ENGASE: variants seen among roughly 807,000 people sequenced by gnomAD.
The protein encoded by ENGASE is cytosolic endo-beta-N-acetylglucosaminidase.
In ENGASE, 69 loss-of-function variants were observed where a neutral mutation model predicts 78.5. The ratio of observed to expected loss-of-function variants is 0.88; its 90% CI spans 0.72 to 1.07. ENGASE has a LOEUF of 1.07. Ranked by LOEUF, ENGASE falls within the 50% of genes least tolerant of loss-of-function variation. ENGASE has a pLI of 0.00. For synonymous variants in ENGASE, 408 were observed against 408.9 expected, an observed-to-expected ratio of 1.00 and a Z score of 0.03; for missense variants, 943 against 988.4, an observed-to-expected ratio of 0.95 and a Z score of 0.62.
chr17:79,080,751 G>A (rs1004213194), intron 5 of ENGASE, among the ~76,000 whole-genome samples, 174 bp from the exon 6 acceptor site: 2 of 152,170 alleles, frequency 1.3e-5, no homozygotes, highest in Admixed American at 6.5e-5. Flanking sequence ...AAGGACGGTC[G>A]TCTGTTTGGC....
chr17:79,075,261 C>G (rs1463556162), intron 1 of ENGASE, among the ~76,000 whole-genome samples, 171 bp downstream of exon 1: 1 of 152,206 alleles, frequency 6.6e-6, no homozygotes. Flanking sequence ...CCCGGTCCGC[C>G]CCGCCGTCCT....
rs539480225 is a variant in ENGASE at position 79,081,963 on chromosome 17, G to A, written c.938G>A (p.Arg313Gln). 1.7e-5 allele frequency: 28 copies of A among 1,614,196 alleles called. No homozygotes were observed. The highest frequency in any genetic ancestry group is 5.3e-5 in the African/African-American group (4 of 75,062). ...NYNWREEHLERMLGQAGERRA... is the reference protein window; with the variant it reads ...NYNWREEHLEQMLGQAGERRA... ...AACTGGCGGGAGGAGCACTTGGAGC[G>A]GATGCTGGGGCAGGCTGGGGAGCGC... The change falls in exon 7 of 14, where the codon CGG (arginine) becomes CAG (glutamine). Residue 313 changes from arginine (R) to glutamine (Q), a missense_variant. Physicochemically the swap from Arg to Gln is conservative, Grantham distance 43. Coordinates refer to ENST00000579016, the MANE Select transcript of ENGASE (RefSeq NM_001042573.3).
intron 1 of ENGASE, chr17:79,075,905 G>A: frequency 3.0e-6 from 3 of 985,332 alleles, no homozygotes; most frequent in Non-Finnish European, 3.6e-6. Context: ...ACCTGGTGTG[G>A]GATTGTTCTG....
chr17:79,077,531 C>G, intron 2 of ENGASE, 34 bp downstream of exon 2: 1 of 1,546,486 alleles, frequency 6.5e-7, no homozygotes, highest in Non-Finnish European at 8.7e-7. Context: ...ACCGATCCAC[C>G]TTCACACCTG....
Position 79,083,212 on chromosome 17 carries a change from G to A in ENGASE, c.1142+89G>A. 9.8e-7 allele frequency: 1 copy of A among 1,016,934 alleles called. No homozygotes were observed. The highest frequency in any genetic ancestry group is 2.4e-5 in the East Asian group (1 of 41,672). The allele number at this position is 1,016,934 out of a possible 1,614,324, so 63.0% of individuals were successfully genotyped here. On this transcript the variant is annotated intron_variant, in intron 8 of 13. Coordinates refer to ENST00000579016, the MANE Select transcript of ENGASE (RefSeq NM_001042573.3). This position sits in a 1 kb window ranked among gnomAD's most constrained non-coding sequence, Gnocchi z 4.9. ...TGATAGGACACGTTTGTGCTCTTTA[G>A]TGACCCTTCCTATGGGGGGGTGGTT...
rs2073376035 is a variant in ENGASE, at chr17:79,087,948, T to G, written c.*1599T>G. The G allele has an allele frequency of 6.6e-6, 1 of 152,162 alleles. No homozygotes were observed. The highest frequency in any genetic ancestry group is 2.4e-5 in the African/African-American group (1 of 41,432). The allele number at this position is 152,162 out of a possible 1,614,324, so 9.4% of individuals were successfully genotyped here. On this transcript the variant is annotated 3_prime_UTR_variant, in exon 14 of 14. Transcript: ENST00000579016. ...TTAGGGGTTCTGTGCTCTTGCCTAA[T>G]TAGGAACATTCTCCCATGTCTCTTG...
Position 79,081,928 on chromosome 17 carries a change from CACTA to C in ENGASE, c.908_911del (p.Asn303IlefsTer47), listed in dbSNP as rs2073151478. 4 of 1,613,620 alleles carry C rather than the reference CACTA, an allele frequency of 2.5e-6. No homozygotes were observed. The highest frequency in any genetic ancestry group is 3.4e-6 in the Non-Finnish European group (4 of 1,179,780). On this transcript the variant is annotated frameshift_variant, in exon 7 of 14. Transcript: ENST00000579016. LOFTEE classifies it high-confidence loss of function. The stretch of plus-strand genomic sequence containing the variant: ...TCTTTGATTCCTGCGACGGCTTCTT[CACTA>C]ACTATAACTGGCGGGAGGAGCACTT...
chr17:79,076,354 C>T (rs939674610), intron 1 of ENGASE, among the ~76,000 whole-genome samples: 34 of 152,124 alleles, frequency 2.2e-4, no homozygotes, highest in African/African-American at 8.0e-4. Context: ...CACCTGAGTT[C>T]GGGAGTTTGA....
rs1217274602 is a variant in ENGASE at position 79,085,676 on chromosome 17, C to T, written c.1757C>T (p.Ser586Leu). ...CTGCTAGACCTCCTCGTTTGCTTCTCACGGCCGCCGGGTAGTCGGGAGGAG... is the reference window on the plus strand; with the variant it reads ...CTGCTAGACCTCCTCGTTTGCTTCTTACGGCCGCCGGGTAGTCGGGAGGAG... ...CLLLDLLVCFSRPPGSREEES... is the reference protein window; with the variant it reads ...CLLLDLLVCFLRPPGSREEES... Residue 586 changes from serine (S) to leucine (L), a missense_variant, in exon 13 of 14, where the codon TCA becomes TTA. By Grantham distance (145) the Ser-to-Leu change is moderately radical. Coordinates refer to ENST00000579016, the MANE Select transcript of ENGASE (RefSeq NM_001042573.3). 3.7e-6 allele frequency: 6 copies of T among 1,613,988 alleles called. No individual in the cohort carries two copies. The East Asian group carries it at 6.7e-5, about 18-fold the overall frequency.
In ENGASE at chr17:79,087,090, A is replaced by C; in HGVS notation, c.*741A>C. On this transcript the variant is annotated 3_prime_UTR_variant, in exon 14 of 14. Transcript: ENST00000579016. Reference sequence around the variant, plus strand: ...TCTTCCGGGCTGTGGGCATGCAGGGAAGTGGCTCTGAGGCAGTCTGCGCTG... The same window carrying C: ...TCTTCCGGGCTGTGGGCATGCAGGGCAGTGGCTCTGAGGCAGTCTGCGCTG... 2.2e-6 allele frequency: 1 copy of C among 459,134 alleles called. No homozygotes were observed. Among genetic ancestry groups the C allele is most frequent in the Admixed American group, 2.3e-5 (1 of 42,888 alleles). 28.4% of individuals were successfully genotyped at this position (459,134 alleles called of 1,614,324 possible).
At position 79,080,747 on chromosome 17, in the gene ENGASE, G is replaced by A. The variant is rs182868873; in HGVS notation, c.724-178G>A. On this transcript the variant is annotated intron_variant, in intron 5 of 13. Transcript: ENST00000579016. ...CCTTCTTGCCGCAATAAGAAAGGAC[G>A]GTCGTCTGTTTGGCTGGACTCCACT... is the stretch of plus-strand genomic sequence containing the variant. Among the ~76,000 whole-genome samples the A allele has an allele frequency of 9.7e-4, 147 of 152,312 alleles. 1 individual carries two copies. Among genetic ancestry groups the A allele is most frequent in the South Asian group, 3.1e-3 (15 of 4,832 alleles).
chr17:79,082,000 G>C lies in ENGASE; in HGVS notation c.975G>C (p.Val325=), dbSNP rs769723401. 1 of 1,614,236 alleles carries C rather than the reference G, an allele frequency of 6.2e-7. No homozygotes were observed. Among genetic ancestry groups the C allele is most frequent in the South Asian group, 1.1e-5 (1 of 91,092 alleles). Residue 325 remains valine (V), a synonymous_variant, in exon 7 of 14, where the codon GTG becomes GTC. Coordinates refer to ENST00000579016, the MANE Select transcript of ENGASE (RefSeq NM_001042573.3). The part of the protein sequence containing the change: ...LGQAGERRAD[V]YVGVDVFARG... ...AGGCTGGGGAGCGCCGGGCTGATGT[G>C]TACGTGGGCGTGGATGTGTTTGCTC...
intron 3 of ENGASE, 130 bp downstream of exon 3, chr17:79,077,994 G>A: frequency 1.1e-6 from 1 of 880,926 alleles, no homozygotes; most frequent in African/African-American, 1.7e-5. Context: ...GGGCATTGGA[G>A]GGATGGCACT....
intron 3 of ENGASE, 65 bp from the exon 4 acceptor site, chr17:79,079,424 T>C: frequency 6.4e-7 from 1 of 1,561,166 alleles, no homozygotes; most frequent in Non-Finnish European, 8.7e-7. Context: ...TGCCTTGGCC[T>C]GCCAAAGTGC....
rs2072934609 is a variant in ENGASE at position 79,075,073 on chromosome 17, G to A, written c.129G>A (p.Arg43=). Residue 43 remains arginine (R), a synonymous_variant, in exon 1 of 14, where the codon CGG becomes CGA. Transcript: ENST00000579016. Reference sequence around the variant, plus strand: ...AGGATCAGGAGCCGCGGCCGCGGCGGCGGCGGCCGGGAAGGAGGTGGGGCT... The same window carrying A: ...AGGATCAGGAGCCGCGGCCGCGGCGACGGCGGCCGGGAAGGAGGTGGGGCT... ...EQEDQEPRPR[R]RRPGRSIKDE... is the part of the protein sequence containing the mutation. 1 of 1,207,492 alleles carries A rather than the reference G, an allele frequency of 8.3e-7. No homozygotes were observed. Among genetic ancestry groups the A allele is most frequent in the Non-Finnish European group, 1.0e-6 (1 of 970,900 alleles). The allele number at this position is 1,207,492 out of a possible 1,614,324, so 74.8% of individuals were successfully genotyped here.
chr17:79,078,532 T>C (rs531019720), intron 3 of ENGASE, among the ~76,000 whole-genome samples: 2 of 152,178 alleles, frequency 1.3e-5, no homozygotes, highest in Non-Finnish European at 2.9e-5. Context: ...TTGGTGTTCG[T>C]CACCTTCTTC....
chr17:79,085,364 C>A, intron 12 of ENGASE, 22 bp downstream of exon 12: 1 of 1,558,694 alleles, frequency 6.4e-7, no homozygotes, highest in Non-Finnish European at 8.8e-7. Context: ...TGCTTCTTCA[C>A]GTCCTTCTCC....
rs1370367325 is a variant in ENGASE, at chr17:79,085,313, C to G, written c.1671C>G (p.Gly557=). The change falls in exon 12 of 14, where the codon GGC becomes GGG. Residue 557 remains glycine (G), a synonymous_variant. Coordinates refer to ENST00000579016, the MANE Select transcript of ENGASE (RefSeq NM_001042573.3). ...TKLARWVGRC[G]RQLSGGWVQH... The stretch of plus-strand genomic sequence containing the variant: ...TGGCCAGATGGGTGGGCCGCTGCGG[C>G]CGGCAGCTGAGTGGGGGCTGGGTCC... The G allele has an allele frequency of 1.2e-6, 2 of 1,612,584 alleles. No homozygotes were observed.
chr17:79,086,249 G>T lies in ENGASE; in HGVS notation c.2132G>T (p.Arg711Leu). 2 of 1,613,566 alleles carry T rather than the reference G, an allele frequency of 1.2e-6. No individual in the cohort carries two copies. The highest frequency in any genetic ancestry group is 1.7e-6 in the Non-Finnish European group (2 of 1,180,038). Residue 711 changes from arginine to leucine, a missense_variant, in exon 14 of 14, where the codon CGT (arginine) becomes CTT (leucine). Physicochemically the swap from Arg to Leu is moderately radical, Grantham distance 102. Coordinates refer to ENST00000579016, the MANE Select transcript of ENGASE (RefSeq NM_001042573.3). ...LVEAAGPGQD[R>L]RMEFLVEPVP... ...GAAGCCGCCGGGCCCGGCCAGGATC[G>T]TCGCATGGAATTTCTGGTGGAGCCT...
Sources: allele counts gnomAD v4.1 joint callset (sites outside exome capture counted in the v4.1 genomes callset), GRCh38; gene constraint gnomAD v4.1.1; non-coding constraint Gnocchi (gnomAD v3.1); transcripts MANE v1.5; gene names NCBI Gene and HGNC (gene_info 2026-07-23, HGNC 2026-07-21).